PRKAB2: variants seen among roughly 807,000 people sequenced by gnomAD.
PRKAB2 encodes 5'-AMP-activated protein kinase subunit beta-2.
Under a neutral mutation model 29.8 loss-of-function variants are expected in PRKAB2, and 18 were observed. The observed-to-expected ratio is 0.60, with a 90% CI of 0.42 to 0.89. PRKAB2 has a LOEUF of 0.89. Among genes scored for constraint, PRKAB2 ranks in the 40% least tolerant of loss-of-function variants. The pLI is 0.00. For missense variants in PRKAB2, 270 were observed against 344.3 expected, an observed-to-expected ratio of 0.78 and a Z score of 1.71; for synonymous variants, 136 against 125.9, an observed-to-expected ratio of 1.08 and a Z score of -0.54.
At chr1:147,160,341 A>AC (rs1653895283) in intron 7 of PRKAB2, among the ~76,000 whole-genome samples, 1 of 152,076 alleles carries the variant, frequency 6.6e-6, no homozygotes, top group Non-Finnish European at 1.5e-5. Flanking sequence ...ATAATCAAAC[A>AC]CCTTCACCTG....
rs1654719224 is a variant in PRKAB2 at position 147,172,457 on chromosome 1, G to A, written c.-52C>T. The A allele has an allele frequency of 2.2e-6, 1 of 456,818 alleles. No individual in the cohort carries two copies. The allele number at this position is 456,818 out of a possible 1,614,324, so 28.3% of individuals were successfully genotyped here. The stretch of plus-strand genomic sequence containing the variant: ...GGGCGATGCGCTCCCTCCTCCAAGG[G>A]CCACTGATGTGATGGCTGTTCTGCA... On this transcript the variant is annotated 5_prime_UTR_variant, in exon 1 of 8. Coordinates refer to ENST00000254101, the MANE Select transcript of PRKAB2 (RefSeq NM_005399.5).
At chr1:147,164,682 A>T (rs1371966668) in intron 5 of PRKAB2, among the ~76,000 whole-genome samples, 1 of 152,246 alleles carries the variant, frequency 6.6e-6, no homozygotes, top group Admixed American at 6.5e-5. Flanking sequence ...TATTTGCCTA[A>T]AGTTACATAC....
rs1486855147 is a variant in PRKAB2, at chr1:147,158,492, C to A, written c.*1073G>T. The A allele has an allele frequency of 6.6e-6, 1 of 152,040 alleles. No individual in the cohort carries two copies. The highest frequency in any genetic ancestry group is 1.5e-5 in the Non-Finnish European group (1 of 68,028). 9.4% of individuals were successfully genotyped at this position (152,040 alleles called of 1,614,324 possible). On this transcript the variant is annotated 3_prime_UTR_variant, in exon 8 of 8. Coordinates refer to ENST00000254101, the MANE Select transcript of PRKAB2 (RefSeq NM_005399.5). ...GGAAGGCTAGACTAGAGAAGAAAAT[C>A]TCTTTGAAGAAGCATTTATCAAAAG...
intron 2 of PRKAB2, among the ~76,000 whole-genome samples, chr1:147,170,540 C>T (rs1183174963): frequency 6.6e-6 from 1 of 152,136 alleles, no homozygotes; most frequent in African/African-American, 2.4e-5. Flanking sequence ...CCAATAAGTG[C>T]TCCTTTTAAT....
intron 7 of PRKAB2, 119 bp downstream of exon 7, chr1:147,161,593 G>C: frequency 1.2e-6 from 1 of 823,180 alleles, no homozygotes; most frequent in Non-Finnish European, 1.9e-6. Flanking sequence ...TCTATAATTT[G>C]ATCATTACTG....
chr1:147,164,342 C>G (rs1446190673), intron 5 of PRKAB2, among the ~76,000 whole-genome samples: 1 of 152,098 alleles, frequency 6.6e-6, no homozygotes, highest in Non-Finnish European at 1.5e-5. Flanking sequence ...ATGTTATCAC[C>G]ACGAAGAAAC....
At position 147,172,411 on chromosome 1, in the gene PRKAB2, C is replaced by T; in HGVS notation, c.-24+18G>A. On this transcript the variant is annotated intron_variant, in intron 1 of 7. Transcript: ENST00000254101. ...GCGTCCCCGCGCTCACTGCCAGGGG[C>T]GCCCCCACTCCAGTCACCTCGGGCG... 1 of 531,458 alleles carries T rather than the reference C, an allele frequency of 1.9e-6. No individual in the cohort carries two copies. The highest frequency in any genetic ancestry group is 3.3e-6 in the Non-Finnish European group (1 of 304,998). 32.9% of individuals were successfully genotyped at this position (531,458 alleles called of 1,614,324 possible).
intron 1 of PRKAB2, 92 bp from the exon 2 acceptor site, chr1:147,172,259 A>C (rs1654689664): frequency 7.4e-7 from 1 of 1,353,078 alleles, no homozygotes; most frequent in Non-Finnish European, 9.7e-7. Context: ...GGACAGGGCA[A>C]GGGATTCCCC....
chr1:147,162,326 T>G, intron 6 of PRKAB2, 114 bp downstream of exon 6: 2 of 1,099,530 alleles, frequency 1.8e-6, no homozygotes, highest in Non-Finnish European at 2.6e-6. Context: ...GGTATGTGTA[T>G]GACTTATAAT....
chr1:147,160,460 C>T (rs1268254422), intron 7 of PRKAB2, among the ~76,000 whole-genome samples: 1 of 152,066 alleles, frequency 6.6e-6, no homozygotes, highest in Non-Finnish European at 1.5e-5. Context: ...TAAATGACAT[C>T]CAAGGAGCAG....
rs587689181 is a variant in PRKAB2 at position 147,155,205 on chromosome 1, T to G, written c.*4360A>C. The G allele has an allele frequency of 3.9e-5, 6 of 152,634 alleles. No individual in the cohort carries two copies. The South Asian group carries it at 1.2e-3, about 32-fold the overall frequency. The allele number at this position is 152,634 out of a possible 1,614,324, so 9.5% of individuals were successfully genotyped here. ...AATTTCCAGGTGTGTCAGAGTCCAG[T>G]GACAAATTACGTTTGAAGAACAGCT... is the stretch of plus-strand genomic sequence containing the variant. On this transcript the variant is annotated 3_prime_UTR_variant, in exon 8 of 8. Transcript: ENST00000254101.
chr1:147,170,588 T>G (rs1553914209), intron 2 of PRKAB2, among the ~76,000 whole-genome samples: 1 of 151,090 alleles, frequency 6.6e-6, no homozygotes, highest in African/African-American at 2.4e-5. Flanking sequence ...GGTTTTTTTG[T>G]TTTTTTGTTT....
intron 3 of PRKAB2, 84 bp downstream of exon 3, chr1:147,167,683 A>G: frequency 6.7e-7 from 1 of 1,484,128 alleles, no homozygotes; most frequent in South Asian, 1.3e-5. Flanking sequence ...GTAGGTGGAG[A>G]AAAGTCCAGC....
chr1:147,168,082 T>A, intron 2 of PRKAB2, 149 bp from the exon 3 acceptor site: 1 of 876,516 alleles, frequency 1.1e-6, no homozygotes. Flanking sequence ...TTTGAACAAA[T>A]TATAGAAAAA....
At chr1:147,172,294 GC>G in intron 1 of PRKAB2, 127 bp from the exon 2 acceptor site, 1 of 1,109,080 alleles carries the variant, frequency 9.0e-7, no homozygotes, top group Non-Finnish European at 1.2e-6. Flanking sequence ...GAGCCCTGGA[GC>G]CCTCTCCCTC....
At chr1:147,161,071 G>A (rs1171819122) in intron 7 of PRKAB2, among the ~76,000 whole-genome samples, 3 of 151,970 alleles carry the variant, frequency 2.0e-5, no homozygotes, top group Non-Finnish European at 2.9e-5. Flanking sequence ...TCTTCTCCAG[G>A]AGACTCTAAT....
At chr1:147,164,345 G>A (rs79402522) in intron 5 of PRKAB2, among the ~76,000 whole-genome samples, 7,779 of 152,148 alleles carry the variant, frequency 0.051, 346 homozygotes, top group African/African-American at 0.11. Flanking sequence ...TTATCACCAC[G>A]AAGAAACGAC....
At chr1:147,169,365 A>T (rs1654404204) in intron 2 of PRKAB2, among the ~76,000 whole-genome samples, 4 of 152,198 alleles carry the variant, frequency 2.6e-5, no homozygotes, top group Non-Finnish European at 5.9e-5. Flanking sequence ...GAATTGACTT[A>T]AGAGAAAACT....
intron 5 of PRKAB2, among the ~76,000 whole-genome samples, chr1:147,162,859 A>G (rs1654041437): frequency 6.6e-6 from 1 of 152,236 alleles, no homozygotes; most frequent in Non-Finnish European, 1.5e-5. Context: ...TATCAGCTGT[A>G]GGACCTTGGA....
Sources: allele counts gnomAD v4.1 joint callset (sites outside exome capture counted in the v4.1 genomes callset), GRCh38; gene constraint gnomAD v4.1.1; transcripts MANE v1.5; gene names NCBI Gene and HGNC (gene_info 2026-07-23, HGNC 2026-07-21).